Variants in PPP1R12C observed in about 807,000 individuals in gnomAD.
The protein encoded by PPP1R12C is protein phosphatase 1 regulatory subunit 12C, also known as leukocyte receptor cluster (LRC) encoded novel gene 3.
PPP1R12C carries 48 observed loss-of-function variants against 95.6 expected under a neutral mutation model. The observed-to-expected ratio is 0.50, with a 90% CI of 0.40 to 0.64. The LOEUF (loss-of-function observed/expected upper bound fraction) is 0.64, where lower values mean the gene tolerates loss of function less well. Among genes scored for constraint, PPP1R12C ranks in the 30% least tolerant of loss-of-function variants. The pLI is 0.00. For missense variants in PPP1R12C, 1,057 were observed against 1,083.3 expected (o/e 0.98, Z 0.34); for synonymous variants, 480 against 460.8 (o/e 1.04, Z -0.53).
rs888453132 is a variant in PPP1R12C, at chr19:55,092,833, C to A, written c.1861G>T (p.Ala621Ser). Residue 621 changes from alanine (A) to serine (S), a missense_variant, in exon 16 of 22, where the codon GCG becomes TCG. By Grantham distance (99) the Ala-to-Ser change is moderately conservative (BLOSUM62 1). Around this residue, in one of 5 missense-constraint regions of PPP1R12C, gnomAD observed 347 missense variants for 307.9 expected, o/e 1.13. Coordinates refer to ENST00000263433, the MANE Select transcript of PPP1R12C (RefSeq NM_017607.4). ...CCGACCTTGCGGTGCTCCCTGGCCG[C>A]CTGCGGTCCCGGACCCTGCCCGTCG... The part of the protein sequence containing the change: ...APDGQGPGPQ[A>S]AREHRKVGKE... 1.9e-6 allele frequency: 3 copies of A among 1,568,950 alleles called. No homozygotes were observed. The South Asian group carries it at 3.5e-5, about 18-fold the overall frequency.
At position 55,091,301 on chromosome 19, in the gene PPP1R12C, G is replaced by A; in HGVS notation, c.*171C>T. ...TCCCACCTCCATCCTGGCCTCGGGT[G>A]GCCCCCTCGGCTCCTGGGGACTCTG... On this transcript the variant is annotated 3_prime_UTR_variant, in exon 22 of 22. Transcript: ENST00000263433. 2.9e-6 allele frequency: 2 copies of A among 685,378 alleles called. No homozygotes were observed. The highest frequency in any genetic ancestry group is 4.8e-6 in the Non-Finnish European group (2 of 413,898). 42.5% of individuals were successfully genotyped at this position (685,378 alleles called of 1,614,324 possible). A position where few individuals can be genotyped will look rare whatever the true frequency, so the allele number is the denominator to read the frequency against.
intron 4 of PPP1R12C, among the ~76,000 whole-genome samples, chr19:55,102,871 G>A (rs2084993396): frequency 6.6e-6 from 1 of 152,184 alleles, no homozygotes. Flanking sequence ...ATTAAGCCAG[G>A]AAAATAGTAA....
At chr19:55,104,199 T>TATATATATATATAC (rs34075382) in intron 3 of PPP1R12C, among the ~76,000 whole-genome samples, 19 of 120,044 alleles carry the variant, frequency 1.6e-4, no homozygotes, top group African/African-American at 5.9e-4. Flanking sequence ...TATATATATA[T>TATATATATATATAC]ACACACACAC....
Position 55,113,323 on chromosome 19 carries a change from G to A in PPP1R12C, c.322-528C>T, listed in dbSNP as rs1482834083. The stretch of plus-strand genomic sequence containing the variant: ...CCCAGGGCTATGCAGGGTGGAGGAA[G>A]GCCACCCTGTGCTGGGACAGACTCA... On this transcript the variant is annotated intron_variant, in intron 1 of 21. Coordinates refer to ENST00000263433, the MANE Select transcript of PPP1R12C (RefSeq NM_017607.4). 4 of 1,161,452 alleles carry A rather than the reference G, an allele frequency of 3.4e-6. No homozygotes were observed. In the East Asian group the frequency reaches 8.8e-5, roughly 25 times the overall value. 71.9% of individuals were successfully genotyped at this position (1,161,452 alleles called of 1,614,324 possible). A position where few individuals can be genotyped will look rare whatever the true frequency, so the allele number is the denominator to read the frequency against.
chr19:55,112,527 G>C lies in PPP1R12C; in HGVS notation c.511C>G (p.Leu171Val). Reference sequence around the variant, plus strand: ...ATGGCGTCCGACTCGGCCAGGTCCAGGGGCAGGTCCCCGTCACTGTTGACG... The same window carrying C: ...ATGGCGTCCGACTCGGCCAGGTCCACGGGCAGGTCCCCGTCACTGTTGACG... The part of the protein sequence containing the change: ...AAVNSDGDLP[L>V]DLAESDAMEG... The change falls in exon 3 of 22, where the codon CTG (leucine) becomes GTG (valine). Residue 171 changes from leucine (L) to valine (V), a missense_variant. Leu to Val is a conservative substitution (Grantham distance 32). Around this residue, in one of 5 missense-constraint regions of PPP1R12C, gnomAD observed 282 missense variants for 380.4 expected, o/e 0.74. Coordinates refer to ENST00000263433, the MANE Select transcript of PPP1R12C (RefSeq NM_017607.4). 6.2e-7 allele frequency: 1 copy of C among 1,613,414 alleles called. No homozygotes were observed. Among genetic ancestry groups the C allele is most frequent in the Non-Finnish European group, 8.5e-7 (1 of 1,179,798 alleles).
Position 55,092,469 on chromosome 19 carries a change from C to A in PPP1R12C, c.2028G>T (p.Ser676=). 1 of 1,609,794 alleles carries A rather than the reference C, an allele frequency of 6.2e-7. No individual in the cohort carries two copies. ...TCCTAAAGCCTCCGTCTGGCTCTTCCGATTCTGGCTCAGGTTCTGGGTTGA... is the reference window on the plus strand; with the variant it reads ...TCCTAAAGCCTCCGTCTGGCTCTTCAGATTCTGGCTCAGGTTCTGGGTTGA... ...RDLNPEPEPE[S]EEPDGGFRTL... Residue 676 remains serine (S), a synonymous_variant, in exon 18 of 22, where the codon TCG becomes TCT. Coordinates refer to ENST00000263433, the MANE Select transcript of PPP1R12C (RefSeq NM_017607.4).
intron 3 of PPP1R12C, among the ~76,000 whole-genome samples, chr19:55,110,622 C>T (rs946557396): frequency 9.2e-5 from 14 of 152,182 alleles, no homozygotes; most frequent in Non-Finnish European, 2.1e-4. Context: ...CCTGTAATCC[C>T]AACACTTTGC....
intron 4 of PPP1R12C, among the ~76,000 whole-genome samples, chr19:55,101,512 G>C (rs1408787801): frequency 6.6e-6 from 1 of 152,206 alleles, no homozygotes; most frequent in Non-Finnish European, 1.5e-5. Context: ...CAAATGGGAT[G>C]CTGGCGTTAA....
chr19:55,112,181 C>T (rs1024187013), intron 3 of PPP1R12C: 4 of 150,052 alleles, frequency 2.7e-5, no homozygotes, highest in East Asian at 2.2e-4. Context: ...TCCCTCCACC[C>T]ACCCACCCCG....
intron 16 of PPP1R12C, 34 bp downstream of exon 16, chr19:55,092,749 T>G: frequency 4.7e-6 from 6 of 1,270,770 alleles, no homozygotes; most frequent in Non-Finnish European, 6.6e-6. Context: ...CGGCCCACCC[T>G]CTGCACCAGC....
intron 15 of PPP1R12C, 27 bp from the exon 16 acceptor site, chr19:55,092,895 G>A: frequency 1.2e-6 from 2 of 1,602,612 alleles, no homozygotes; most frequent in South Asian, 2.2e-5. Flanking sequence ...AATCAGCCCA[G>A]GCACCTCCAG....
Position 55,112,463 on chromosome 19 carries a change from C to A in PPP1R12C, c.571+4G>T, listed in dbSNP as rs751029094. The A allele has an allele frequency of 1.9e-6, 3 of 1,609,680 alleles. No individual in the cohort carries two copies. The highest frequency in any genetic ancestry group is 1.8e-4 in the Middle Eastern group (1 of 5,576). ...CACCCCACACACAGCACACCAGAGC[C>A]CACCTCGGCGGGCGATCTCCGCCTT... is the stretch of plus-strand genomic sequence containing the variant. On this transcript the variant is annotated splice_donor_region_variant and intron_variant, in intron 3 of 21. Transcript: ENST00000263433.
chr19:55,103,606 C>T, intron 3 of PPP1R12C, 38 bp from the exon 4 acceptor site: 2 of 1,495,232 alleles, frequency 1.3e-6, no homozygotes, highest in Non-Finnish European at 1.8e-6. Context: ...ACTCACACCC[C>T]ATGACCTGAA....
rs779641396 is a variant in PPP1R12C, at chr19:55,098,951, C to T, written c.876G>A (p.Ala292=). The change falls in exon 5 of 22, where the codon GCG becomes GCA. Residue 292 remains alanine (A), a splice_region_variant and synonymous_variant. Transcript: ENST00000263433. ...CACCAGCCTGGGCACTGGCCCTCACCGCATGGGTCAGTGAGTCCATGCCCC... is the reference window on the plus strand; with the variant it reads ...CACCAGCCTGGGCACTGGCCCTCACTGCATGGGTCAGTGAGTCCATGCCCC... ...HGGGMDSLTH[A]GQRPCDLADE... is the part of the protein sequence containing the mutation. 6 of 1,582,216 alleles carry T rather than the reference C, an allele frequency of 3.8e-6. No individual in the cohort carries two copies. The highest frequency in any genetic ancestry group is 1.3e-5 in the African/African-American group (1 of 74,234).
Position 55,112,541 on chromosome 19 carries a change from T to C in PPP1R12C, c.497A>G (p.Asp166Gly). Residue 166 changes from aspartate to glycine, a missense_variant, in exon 3 of 22, where the codon GAC becomes GGC. By Grantham distance (94) the Asp-to-Gly change is moderately conservative (BLOSUM62 -1). This residue lies in a region of PPP1R12C where 282 missense variants were observed against 380.4 expected (regional missense o/e 0.74). Transcript: ENST00000263433. ...HGANIAAVNS[D>G]GDLPLDLAES... ...GGCCAGGTCCAGGGGCAGGTCCCCG[T>C]CACTGTTGACGGCGGCGATGTTGGC... The C allele has an allele frequency of 6.2e-7, 1 of 1,612,970 alleles. No individual in the cohort carries two copies. The highest frequency in any genetic ancestry group is 2.2e-5 in the East Asian group (1 of 44,850).
intron 3 of PPP1R12C, chr19:55,111,273 C>G (rs1292426647): frequency 6.6e-6 from 1 of 152,018 alleles, no homozygotes; most frequent in Non-Finnish European, 1.5e-5. Flanking sequence ...CTAAAAAGCA[C>G]TGAAGTGTGC....
At position 55,096,359 on chromosome 19, in the gene PPP1R12C, A is replaced by T. The variant is rs377219030; in HGVS notation, c.952-24T>A. On this transcript the variant is annotated intron_variant, in intron 6 of 21. Coordinates refer to ENST00000263433, the MANE Select transcript of PPP1R12C (RefSeq NM_017607.4). ...AGCTGCAAGGAGGGAAGGGGGCTGC[A>T]GGGGAGGGGTGGAGCACACGTGCCC... is the stretch of plus-strand genomic sequence containing the variant. The T allele has an allele frequency of 1.7e-5, 28 of 1,611,330 alleles. No homozygotes were observed. In the African/African-American group the frequency reaches 3.3e-4, roughly 19 times the overall value.
At chr19:55,113,549 G>A (rs1568821592) in intron 1 of PPP1R12C, 15 of 1,359,298 alleles carry the variant, frequency 1.1e-5, no homozygotes, top group Non-Finnish European at 1.2e-5. Context: ...GGGGTCGGAG[G>A]AGGGACTTGC....
At chr19:55,097,183 T>C (rs2084926271) in intron 6 of PPP1R12C, 1 of 207,934 alleles carries the variant, frequency 4.8e-6, no homozygotes, top group African/African-American at 4.3e-5. Context: ...TTCACCACCG[T>C]CTTCACCCCT....
Sources: allele counts gnomAD v4.1 joint callset (sites outside exome capture counted in the v4.1 genomes callset), GRCh38; gene constraint gnomAD v4.1.1; regional missense constraint gnomAD v4.1.1; transcripts MANE v1.5; gene names NCBI Gene and HGNC (gene_info 2026-07-23, HGNC 2026-07-21).